The following DSC3 variants were observed in gnomAD, a reference collection of about 807,000 sequenced individuals.
The protein encoded by DSC3 is desmocollin 3, also known as desmocollin-3.
Under a neutral mutation model 89.5 loss-of-function variants are expected in DSC3, and 97 were observed. The ratio of observed to expected loss-of-function variants is 1.08; its 90% CI spans 0.92 to 1.28. The LOEUF (loss-of-function observed/expected upper bound fraction) is 1.28. DSC3 is among the 50% of genes most tolerant of loss of function. The pLI is 0.00. For synonymous variants in DSC3, 436 were observed against 384.1 expected, an observed-to-expected ratio of 1.14 and a Z score of -1.58; for missense variants, 1,199 against 1,085.3, an observed-to-expected ratio of 1.10 and a Z score of -1.47.
At chr18:31,027,945 T>C (rs1464960996) in intron 4 of DSC3, among the ~76,000 whole-genome samples, 1 of 152,120 alleles carries the variant, frequency 6.6e-6, no homozygotes, top group Admixed American at 6.6e-5. Flanking sequence ...TGAACTCTAA[T>C]CCCTGCTAAT....
In DSC3 at chr18:31,029,508, CTTG is replaced by C; in HGVS notation, c.472_474del (p.Gln158del). 4 of 1,613,770 alleles carry C rather than the reference CTTG, an allele frequency of 2.5e-6. No homozygotes were observed. The highest frequency in any genetic ancestry group is 3.4e-6 in the Non-Finnish European group (4 of 1,179,674). The stretch of plus-strand genomic sequence containing the variant: ...CCTGACCAGAAAAGGTGTAAACCTA[CTTG>C]TTGAAGAAACAATGGGAAAGGGCCC... On this transcript the variant is annotated inframe_deletion and splice_region_variant, in exon 4 of 16. Transcript: ENST00000360428.
Position 31,018,073 on chromosome 18 carries a change from T to C in DSC3, c.1261A>G (p.Lys421Glu). Residue 421 changes from lysine (K) to glutamate (E), a missense_variant and splice_region_variant, in exon 9 of 16, where the codon AAG (lysine) becomes GAG (glutamate). Lys to Glu is a moderately conservative substitution (Grantham distance 56). Coordinates refer to ENST00000360428, the MANE Select transcript of DSC3 (RefSeq NM_001941.5). ...ETNEGVLSVV[K>E]PLNYEENRQV... ...TTGTCAATTATACATTACTGTACCT[T>C]TACAACAGAAAGAACACCTTCATTA... 5 of 1,611,822 alleles carry C rather than the reference T, an allele frequency of 3.1e-6. No homozygotes were observed. Among genetic ancestry groups the C allele is most frequent in the Non-Finnish European group, 4.2e-6 (5 of 1,178,736 alleles).
Position 31,032,240 on chromosome 18 carries a change from T to C in DSC3, c.106A>G (p.Ile36Val), listed in dbSNP as rs764381866. The C allele has an allele frequency of 7.1e-5, 115 of 1,613,726 alleles. No homozygotes were observed. Among genetic ancestry groups the C allele is most frequent in the Non-Finnish European group, 9.6e-5 (113 of 1,179,776 alleles). ...TCTAGTTTAGAAGGTACATTAAGTATCACCTTTTTGCAGGCTTCACCAGCA... is the reference window on the plus strand; with the variant it reads ...TCTAGTTTAGAAGGTACATTAAGTACCACCTTTTTGCAGGCTTCACCAGCA... ...SRAGEACKKV[I>V]LNVPSKLEAD... The change falls in exon 2 of 16, where the codon ATA (isoleucine) becomes GTA (valine). Residue 36 changes from isoleucine (I) to valine (V), a missense_variant. By Grantham distance (29) the Ile-to-Val change is conservative. Transcript: ENST00000360428.
rs1984165589 is a variant in DSC3, at chr18:30,989,625, A to G, written c.*4550T>C. On this transcript the variant is annotated 3_prime_UTR_variant, in exon 16 of 16. Transcript: ENST00000360428. ...TTTTAACCATTCATAGCCATGTTTT[A>G]TGAATTTTACCATTTTTTAAGTAAA... 6.6e-6 allele frequency among the ~76,000 whole-genome samples: 1 copy of G among 152,336 alleles called. No homozygotes were observed. The highest frequency in any genetic ancestry group is 6.5e-5 in the Admixed American group (1 of 15,306).
chr18:31,031,201 G>C, intron 2 of DSC3, 29 bp from the exon 3 acceptor site: 1 of 1,503,230 alleles, frequency 6.7e-7, no homozygotes, highest in Admixed American at 1.8e-5. Context: ...AAGTTGTAAG[G>C]TAAAAACACA....
intron 4 of DSC3, among the ~76,000 whole-genome samples, chr18:31,026,978 A>T (rs73952565): frequency 6.6e-6 from 1 of 152,228 alleles, no homozygotes; most frequent in African/African-American, 2.4e-5. Flanking sequence ...TTCAGATTAG[A>T]ACCTTTTTAC....
At position 31,024,391 on chromosome 18, in the gene DSC3, C is replaced by A. The variant is rs746613569; in HGVS notation, c.733G>T (p.Glu245Ter). The A allele has an allele frequency of 8.1e-6, 13 of 1,608,428 alleles. No individual in the cohort carries two copies. The highest frequency in any genetic ancestry group is 1.7e-4 in the Middle Eastern group (1 of 5,982). The change falls in exon 6 of 16, where the codon GAA becomes TAA. Residue 245 changes from glutamate to a stop codon, truncating the protein, a stop_gained. Coordinates refer to ENST00000360428, the MANE Select transcript of DSC3 (RefSeq NM_001941.5). LOFTEE classifies it high-confidence loss of function. The stretch of plus-strand genomic sequence containing the variant: ...AAAACTTCAAAATTATAAATTGCTT[C>A]TGTGAAAACAGGGTGGTTGTCATTT... The part of the protein sequence containing the change: ...DENDNHPVFT[E>*]AIYNFEVLES...
chr18:31,013,584 AATAG>A (rs1985140213), intron 9 of DSC3, among the ~76,000 whole-genome samples: 1 of 152,200 alleles, frequency 6.6e-6, no homozygotes, highest in African/African-American at 2.4e-5. Flanking sequence ...ATAAATAGTT[AATAG>A]ATAAGAAGAG....
intron 12 of DSC3, 102 bp from the exon 13 acceptor site, chr18:31,004,468 T>G: frequency 1.0e-6 from 1 of 999,196 alleles, no homozygotes; most frequent in Non-Finnish European, 1.5e-6. Flanking sequence ...CTCAAGGAAC[T>G]GCCTGCCAGA....
chr18:31,024,555 C>T (rs1441859372), intron 5 of DSC3, 62 bp from the exon 6 acceptor site: 1 of 1,545,430 alleles, frequency 6.5e-7, no homozygotes, highest in Non-Finnish European at 8.8e-7. Context: ...GAATAAGATG[C>T]TTTATCTACT....
rs1005472224 is a variant in DSC3, at chr18:30,990,223, G to C, written c.*3952C>G. On this transcript the variant is annotated 3_prime_UTR_variant, in exon 16 of 16. Coordinates refer to ENST00000360428, the MANE Select transcript of DSC3 (RefSeq NM_001941.5). Reference sequence around the variant, plus strand: ...TGGCATTGTTCATTGATTTTAATGAGAAAGCTAAGAGAGGAAATAAGTAGC... The same window carrying C: ...TGGCATTGTTCATTGATTTTAATGACAAAGCTAAGAGAGGAAATAAGTAGC... The C allele has an allele frequency of 1.3e-5, 2 of 152,098 alleles. No individual in the cohort carries two copies. The highest frequency in any genetic ancestry group is 2.9e-5 in the Non-Finnish European group (2 of 68,016). The allele number at this position is 152,098 out of a possible 1,614,324, so 9.4% of individuals were successfully genotyped here.
At chr18:31,034,884 C>A (rs952585821) in intron 1 of DSC3, among the ~76,000 whole-genome samples, 1 of 151,652 alleles carries the variant, frequency 6.6e-6, no homozygotes, top group African/African-American at 2.4e-5. Flanking sequence ...ATTGCACATT[C>A]TTCAAATTTA....
intron 13 of DSC3, among the ~76,000 whole-genome samples, chr18:31,002,069 C>T (rs950964768): frequency 6.6e-5 from 10 of 151,902 alleles, no homozygotes; most frequent in Admixed American, 2.6e-4. Flanking sequence ...TTACTGATTC[C>T]CCTAAAAATA....
intron 8 of DSC3, 53 bp downstream of exon 8, chr18:31,018,609 TTAAA>T: frequency 1.3e-6 from 2 of 1,543,984 alleles, no homozygotes; most frequent in African/African-American, 1.4e-5. Flanking sequence ...TTAATTCAGT[TTAAA>T]TAAAAAATGA....
chr18:31,014,741 A>G (rs1210194835), intron 9 of DSC3, among the ~76,000 whole-genome samples: 1 of 152,182 alleles, frequency 6.6e-6, no homozygotes, highest in Non-Finnish European at 1.5e-5. Context: ...CAGATGTAAT[A>G]TATTCTGTGA....
chr18:30,994,481 G>T, intron 15 of DSC3, 109 bp from the exon 16 acceptor site: 1 of 1,593,024 alleles, frequency 6.3e-7, no homozygotes, highest in Non-Finnish European at 8.6e-7. Context: ...TAACCAGTGT[G>T]TCCTCTAATG....
chr18:30,999,956 G>C lies in DSC3; in HGVS notation c.2235+1662C>G, dbSNP rs376237934. Among the ~76,000 whole-genome samples the C allele has an allele frequency of 1.9e-4, 29 of 152,180 alleles. No homozygotes were observed. The East Asian group carries it at 4.8e-3, about 25-fold the overall frequency. ...ATCAGCTCTAGCATTAAATGGCAAA[G>C]AACAGATATTAAGTAAAAGTCATCC... On this transcript the variant is annotated intron_variant, in intron 14 of 15. Coordinates refer to ENST00000360428, the MANE Select transcript of DSC3 (RefSeq NM_001941.5).
chr18:31,024,780 A>G (rs1391479296), intron 5 of DSC3, among the ~76,000 whole-genome samples: 3 of 152,160 alleles, frequency 2.0e-5, no homozygotes, highest in African/African-American at 7.2e-5. Context: ...GTGAATATAA[A>G]TTCTCTCTAT....
rs879230637 is a variant in DSC3 at position 31,000,444 on chromosome 18, TG to T, written c.2235+1173del. Among the ~76,000 whole-genome samples the T allele has an allele frequency of 2.8e-3, 430 of 152,310 alleles. 11 individuals are homozygous for T. The highest frequency in any genetic ancestry group is 0.025 in the Admixed American group (382 of 15,298). On this transcript the variant is annotated intron_variant, in intron 14 of 15. Coordinates refer to ENST00000360428, the MANE Select transcript of DSC3 (RefSeq NM_001941.5). ...TCCCCCTACTGACTCAGCTTCACGC[TG>T]CTTGATTATACCTCTCTCCTGTAGA...
Sources: allele counts gnomAD v4.1 joint callset (sites outside exome capture counted in the v4.1 genomes callset), GRCh38; gene constraint gnomAD v4.1.1; transcripts MANE v1.5; gene names NCBI Gene and HGNC (gene_info 2026-07-23, HGNC 2026-07-21).